The following ASPA variants were observed in gnomAD, a reference collection of about 807,000 sequenced individuals.
ASPA encodes the protein aspartoacylase.
In ASPA, 25 loss-of-function variants were observed where a neutral mutation model predicts 29.6. That is an observed-to-expected ratio of 0.85 (90% CI 0.62 to 1.18). The LOEUF (loss-of-function observed/expected upper bound fraction) is 1.18, where lower values mean the gene tolerates loss of function less well. Ranked by LOEUF, ASPA falls within the 50% of genes most tolerant of loss-of-function variation. ASPA has a pLI of 0.00. For missense variants in ASPA, 333 were observed against 385.7 expected (o/e 0.86, Z 1.14); for synonymous variants, 131 against 130.3 (o/e 1.01, Z -0.04).
chr17:3,478,193 A>AT (rs201758264), intron 1 of ASPA, among the ~76,000 whole-genome samples: 3,150 of 150,836 alleles, frequency 0.021, 83 homozygotes, highest in African/African-American at 0.064. Context: ...TCAAAAAAAA[A>AT]AATATATATA....
At chr17:3,478,355 GA>G (rs558859598) in intron 1 of ASPA, among the ~76,000 whole-genome samples, 149 of 152,214 alleles carry the variant, frequency 9.8e-4, no homozygotes, top group Admixed American at 9.8e-4. Context: ...TCACTTTATG[GA>G]ATAGATGTTT....
chr17:3,487,011 G>C (rs2073734641), intron 3 of ASPA, among the ~76,000 whole-genome samples: 2 of 152,072 alleles, frequency 1.3e-5, no homozygotes, highest in Non-Finnish European at 2.9e-5. Flanking sequence ...AAAGTTAGGA[G>C]AGGGCTGTGT....
At position 3,481,650 on chromosome 17, in the gene ASPA, A is replaced by G. The variant is rs1422127446; in HGVS notation, c.284A>G (p.Glu95Gly). 1 of 1,613,784 alleles carries G rather than the reference A, an allele frequency of 6.2e-7. No homozygotes were observed. Among genetic ancestry groups the G allele is most frequent in the African/African-American group, 1.3e-5 (1 of 74,924 alleles). The change falls in exon 2 of 6, where the codon GAA (glutamate) becomes GGA (glycine). Residue 95 changes from glutamate to glycine, a missense_variant. Physicochemically the swap from Glu to Gly is moderately conservative, Grantham distance 98. Transcript: ENST00000263080. ...CCATATGAAGTGAGAAGGGCTCAAG[A>G]AATAAATCATTTATTTGGTCCAAAA... Reference protein sequence around the residue: ...DLPYEVRRAQEINHLFGPKDS... With the variant: ...DLPYEVRRAQGINHLFGPKDS...
At chr17:3,498,631 A>G (rs1344409390) in intron 5 of ASPA, among the ~76,000 whole-genome samples, 1 of 152,190 alleles carries the variant, frequency 6.6e-6, no homozygotes, top group East Asian at 1.9e-4. Flanking sequence ...ACAGGCAAGG[A>G]GCCACTGCAC....
chr17:3,481,955 A>C lies in ASPA; in HGVS notation c.432+157A>C, dbSNP rs1488688. Among the ~76,000 whole-genome samples, 34,205 of 151,926 alleles carry C rather than the reference A, an allele frequency of 0.23. 4,203 individuals are homozygous for C. Among genetic ancestry groups the C allele is most frequent in the East Asian group, 0.46 (2,378 of 5,156 alleles). ...TTGGTGGTTGGGGGGAAAGGGTGCT[A>C]CCAGAACACAGAGGCAGTGGTGAGA... is the stretch of plus-strand genomic sequence containing the variant. On this transcript the variant is annotated intron_variant, in intron 2 of 5. Coordinates refer to ENST00000263080, the MANE Select transcript of ASPA (RefSeq NM_000049.4).
chr17:3,501,399 TA>T lies in ASPA; in HGVS notation c.*2314del, dbSNP rs1222936537. ...GACTCTGAGGAATTCGAGACTTGAG[TA>T]AAGGAAGTCATGCAGATGTACAGCA... On this transcript the variant is annotated 3_prime_UTR_variant, in exon 6 of 6. Coordinates refer to ENST00000263080, the MANE Select transcript of ASPA (RefSeq NM_000049.4). The T allele has an allele frequency of 6.6e-6, 1 of 152,196 alleles. No homozygotes were observed. The highest frequency in any genetic ancestry group is 2.4e-5 in the African/African-American group (1 of 41,420). The allele number at this position is 152,196 out of a possible 1,614,324, so 9.4% of individuals were successfully genotyped here.
chr17:3,474,113 A>G (rs1419850774), upstream of ASPA: 1 of 152,188 alleles, frequency 6.6e-6, no homozygotes, highest in Non-Finnish European at 1.5e-5. Flanking sequence ...TTCTGAGGAA[A>G]TGCTCTCCTT....
At chr17:3,483,004 T>C (rs1014126149) in intron 2 of ASPA, among the ~76,000 whole-genome samples, 36 of 141,858 alleles carry the variant, frequency 2.5e-4, no homozygotes, top group African/African-American at 9.2e-4. Context: ...TTGCCAGATA[T>C]GGAAGCAGAA....
chr17:3,493,367 C>T (rs1189498205), intron 4 of ASPA, among the ~76,000 whole-genome samples: 1 of 152,002 alleles, frequency 6.6e-6, no homozygotes, highest in African/African-American at 2.4e-5. Flanking sequence ...TCGAGACCAT[C>T]CTGGCCAACA....
chr17:3,484,652 A>C (rs1165399516), intron 3 of ASPA, among the ~76,000 whole-genome samples: 2 of 152,254 alleles, frequency 1.3e-5, no homozygotes, highest in Non-Finnish European at 2.9e-5. Flanking sequence ...AATGTAATTT[A>C]AAAATGGATT....
chr17:3,489,421 C>A, intron 4 of ASPA, 79 bp downstream of exon 4: 1 of 1,237,678 alleles, frequency 8.1e-7, no homozygotes. Flanking sequence ...GTCAGATTTG[C>A]CATGCTAAAG....
At chr17:3,483,428 T>C in intron 2 of ASPA, 71 bp from the exon 3 acceptor site, 1 of 1,312,602 alleles carries the variant, frequency 7.6e-7, no homozygotes, top group Non-Finnish European at 1.1e-6. Context: ...AAGGTATTAT[T>C]GACTCTGTTG....
At position 3,476,421 on chromosome 17, in the gene ASPA, T is replaced by A. The variant is rs2073524099; in HGVS notation, c.236+26T>A. ...GTAAGACTATGCTTTGTATTGTATA[T>A]GTATGTATGTTGTGTGAAAAGTGGT... is the stretch of plus-strand genomic sequence containing the variant. On this transcript the variant is annotated intron_variant, in intron 1 of 5. Transcript: ENST00000263080. 4.4e-6 allele frequency: 7 copies of A among 1,598,276 alleles called. No homozygotes were observed. The East Asian group carries it at 1.6e-4, about 36-fold the overall frequency.
chr17:3,487,787 G>A (rs543329548), intron 3 of ASPA, among the ~76,000 whole-genome samples: 2 of 152,258 alleles, frequency 1.3e-5, no homozygotes, highest in South Asian at 4.1e-4. Context: ...TTGAAGATTG[G>A]AAGCCCAACT....
intron 5 of ASPA, among the ~76,000 whole-genome samples, chr17:3,497,724 G>A (rs2073932769): frequency 6.6e-6 from 1 of 152,168 alleles, no homozygotes; most frequent in Non-Finnish European, 1.5e-5. Flanking sequence ...TCAAGGACCT[G>A]TTAACATGAA....
At chr17:3,483,333 G>A (rs1183233994) in intron 2 of ASPA, among the ~76,000 whole-genome samples, 166 bp from the exon 3 acceptor site, 1 of 152,114 alleles carries the variant, frequency 6.6e-6, no homozygotes, top group African/African-American at 2.4e-5. Context: ...TTATTTGTAT[G>A]TTTTCAAAGC....
Position 3,487,064 on chromosome 17 carries a change from G to T in ASPA, c.527-2171G>T, listed in dbSNP as rs1188176488. ...TTTGTGTGTGTGTGTGTGTTTATGT[G>T]TGTGTGTGCGTGTGTGTGTGTGATC... On this transcript the variant is annotated intron_variant, in intron 3 of 5. Coordinates refer to ENST00000263080, the MANE Select transcript of ASPA (RefSeq NM_000049.4). Among the ~76,000 whole-genome samples the T allele has an allele frequency of 2.8e-5, 4 of 141,088 alleles. No homozygotes were observed. In the Admixed American group the frequency reaches 3.0e-4, roughly 11 times the overall value. 92.6% of individuals were successfully genotyped at this position (141,088 alleles called of 152,430 possible).
At chr17:3,489,476 C>T in intron 4 of ASPA, 134 bp downstream of exon 4, 1 of 709,162 alleles carries the variant, frequency 1.4e-6, no homozygotes, top group Non-Finnish European at 2.5e-6. Flanking sequence ...AGCTATTCCC[C>T]AATGGCCAGG....
At position 3,497,234 on chromosome 17, in the gene ASPA, G is replaced by A. The variant is rs376975181; in HGVS notation, c.745-1657G>A. ...TCTCCACAGGTGGGGCTAGCCAGAC[G>A]TGTGTTGAAGAGGTTCCTTTAGTGA... On this transcript the variant is annotated intron_variant, in intron 5 of 5. Coordinates refer to ENST00000263080, the MANE Select transcript of ASPA (RefSeq NM_000049.4). 1.2e-4 allele frequency among the ~76,000 whole-genome samples: 19 copies of A among 152,290 alleles called. No homozygotes were observed. In the South Asian group the frequency reaches 3.1e-3, roughly 25 times the overall value.
Sources: allele counts gnomAD v4.1 joint callset (sites outside exome capture counted in the v4.1 genomes callset), GRCh38; gene constraint gnomAD v4.1.1; transcripts MANE v1.5; gene names NCBI Gene and HGNC (gene_info 2026-07-23, HGNC 2026-07-21).